PLCB1: variants seen among roughly 807,000 people sequenced by gnomAD.
PLCB1 encodes the protein 1-phosphatidylinositol 4,5-bisphosphate phosphodiesterase beta-1.
PLCB1 carries 46 observed loss-of-function variants against 161.8 expected under a neutral mutation model. The observed-to-expected ratio is 0.28, with a 90% CI of 0.22 to 0.36. PLCB1 has a LOEUF of 0.36. Ranked by LOEUF, PLCB1 falls within the 10% of genes least tolerant of loss-of-function variation. The probability of loss-of-function intolerance (pLI) is 1.00; values close to 1 mark genes in which losing one functional copy is unlikely to be tolerated. For synonymous variants in PLCB1, 517 were observed against 503.7 expected, an observed-to-expected ratio of 1.03 and a Z score of -0.35; for missense variants, 1,016 against 1,472.5, an observed-to-expected ratio of 0.69 and a Z score of 5.07.
chr20:8,257,762 A>AT (rs1981500719), intron 2 of PLCB1, among the ~76,000 whole-genome samples: 4 of 152,074 alleles, frequency 2.6e-5, no homozygotes, highest in Admixed American at 1.3e-4. Flanking sequence ...ATTTTCACTG[A>AT]TTTTTTTCAC....
At chr20:8,389,974 T>C (rs1397806363) in intron 3 of PLCB1, among the ~76,000 whole-genome samples, 1 of 152,106 alleles carries the variant, frequency 6.6e-6, no homozygotes, top group Non-Finnish European at 1.5e-5. Flanking sequence ...CTTTTGAAAA[T>C]AGAGATTTTA....
At position 8,727,743 on chromosome 20, in the gene PLCB1, CAT is replaced by C. The variant is rs528321172; in HGVS notation, c.1763+351_1763+352del. Among the ~76,000 whole-genome samples, 342 of 152,096 alleles carry C rather than the reference CAT, an allele frequency of 2.2e-3. 3 individuals carry two copies. The highest frequency in any genetic ancestry group is 0.02 in the Admixed American group (302 of 15,232). Reference sequence around the variant, plus strand: ...TTTGGATTAGGTACAACATATGTAACATGAGTGTGCATACTTTACACATATAT... The same window carrying C: ...TTTGGATTAGGTACAACATATGTAACGAGTGTGCATACTTTACACATATAT... On this transcript the variant is annotated intron_variant, in intron 17 of 31. Coordinates refer to ENST00000338037, the MANE Select transcript of PLCB1 (RefSeq NM_015192.4).
At chr20:8,776,752 T>C (rs1982962805) in intron 27 of PLCB1, among the ~76,000 whole-genome samples, 1 of 152,120 alleles carries the variant, frequency 6.6e-6, no homozygotes, top group Non-Finnish European at 1.5e-5. Context: ...AAAATAACAA[T>C]CCTAGGCTTT....
At chr20:8,152,866 G>A (rs1290889274) in intron 2 of PLCB1, among the ~76,000 whole-genome samples, 1 of 152,122 alleles carries the variant, frequency 6.6e-6, no homozygotes, top group Admixed American at 6.6e-5. Context: ...TAGCAGAGGG[G>A]ATTTTACAAG....
intron 14 of PLCB1, 48 bp from the exon 15 acceptor site, chr20:8,722,306 C>A: frequency 1.4e-6 from 2 of 1,393,790 alleles, no homozygotes; most frequent in Non-Finnish European, 1.0e-6. Context: ...TGCTGTAAAG[C>A]TAAATGTTGA....
chr20:8,864,179 T>C (rs1198050783), intron 31 of PLCB1, among the ~76,000 whole-genome samples: 1 of 152,192 alleles, frequency 6.6e-6, no homozygotes, highest in East Asian at 1.9e-4. Flanking sequence ...AATGATGTGG[T>C]AGGCCTTTGA....
intron 31 of PLCB1, among the ~76,000 whole-genome samples, chr20:8,816,887 C>G (rs187275701): frequency 1.3e-5 from 2 of 152,178 alleles, no homozygotes; most frequent in Non-Finnish European, 1.5e-5. Flanking sequence ...AAATTCTAAG[C>G]TTTCCTCTAA....
At chr20:8,702,843 T>C (rs1600262085) in intron 11 of PLCB1, among the ~76,000 whole-genome samples, 1 of 152,340 alleles carries the variant, frequency 6.6e-6, no homozygotes, top group East Asian at 1.9e-4. Context: ...ATACAAAATA[T>C]TTCAAAGGCA....
At chr20:8,709,735 T>A (rs977072125) in intron 12 of PLCB1, among the ~76,000 whole-genome samples, 2 of 152,218 alleles carry the variant, frequency 1.3e-5, no homozygotes, top group Admixed American at 1.3e-4. Flanking sequence ...ATCTGTATTT[T>A]TTCAGTTTGC....
chr20:8,612,740 A>C (rs1021747162), intron 3 of PLCB1, among the ~76,000 whole-genome samples: 3 of 152,182 alleles, frequency 2.0e-5, no homozygotes, highest in African/African-American at 7.2e-5. Flanking sequence ...TTACACAAAA[A>C]TGGAACTACC....
intron 2 of PLCB1, among the ~76,000 whole-genome samples, chr20:8,151,838 G>A (rs1338186924): frequency 6.6e-6 from 1 of 152,138 alleles, no homozygotes; most frequent in African/African-American, 2.4e-5. Context: ...TTCTATAAAA[G>A]CAACAGAAGA....
At chr20:8,643,994 G>T (rs1330011401) in intron 4 of PLCB1, among the ~76,000 whole-genome samples, 1 of 152,196 alleles carries the variant, frequency 6.6e-6, no homozygotes, top group East Asian at 1.9e-4. Context: ...ACGGGGTTTC[G>T]CTGTGTTGGC....
At chr20:8,329,945 T>C (rs1568634286) in intron 2 of PLCB1, among the ~76,000 whole-genome samples, 1 of 152,192 alleles carries the variant, frequency 6.6e-6, no homozygotes, top group Admixed American at 6.5e-5. Flanking sequence ...AGGAGCTGTG[T>C]TTCAGTTTTC....
At chr20:8,361,977 TC>T (rs1568646429) in intron 2 of PLCB1, among the ~76,000 whole-genome samples, 1 of 152,234 alleles carries the variant, frequency 6.6e-6, no homozygotes, top group East Asian at 1.9e-4. Context: ...TTCTAGTTAA[TC>T]TGATTAGTCT....
At chr20:8,531,466 T>C (rs57403065) in intron 3 of PLCB1, among the ~76,000 whole-genome samples, 22,259 of 152,084 alleles carry the variant, frequency 0.15, 2,200 homozygotes, top group African/African-American at 0.28. Context: ...AATATGTATA[T>C]CTTAGTGTGT....
At chr20:8,606,133 T>C (rs1037520167) in intron 3 of PLCB1, among the ~76,000 whole-genome samples, 1 of 152,176 alleles carries the variant, frequency 6.6e-6, no homozygotes, top group East Asian at 1.9e-4. Flanking sequence ...TAGTGTTGCC[T>C]TCCTATTCCA....
chr20:8,253,567 A>G (rs1217720472), intron 2 of PLCB1, among the ~76,000 whole-genome samples: 1 of 152,014 alleles, frequency 6.6e-6, no homozygotes, highest in Non-Finnish European at 1.5e-5. Context: ...TTCACAGAGG[A>G]CAGGAAGAAT....
chr20:8,229,695 C>T (rs1979901111), intron 2 of PLCB1, among the ~76,000 whole-genome samples: 1 of 151,314 alleles, frequency 6.6e-6, no homozygotes, highest in South Asian at 2.1e-4. Flanking sequence ...CATGAGCCAG[C>T]AGTTCTTACT....
At chr20:8,286,380 C>T (rs1344240391) in intron 2 of PLCB1, among the ~76,000 whole-genome samples, 1 of 152,190 alleles carries the variant, frequency 6.6e-6, no homozygotes, top group African/African-American at 2.4e-5. Context: ...ATGCCATTAA[C>T]TTAGCCTGTT....
Sources: allele counts gnomAD v4.1 joint callset (sites outside exome capture counted in the v4.1 genomes callset), GRCh38; gene constraint gnomAD v4.1.1; transcripts MANE v1.5; gene names NCBI Gene and HGNC (gene_info 2026-07-23, HGNC 2026-07-21).